The following CFAP95 variants were observed in gnomAD, a reference collection of about 807,000 sequenced individuals.
The protein encoded by CFAP95 is cilia and flagella associated protein 95, also known as cilia- and flagella-associated protein 95.
chr9:69,873,009 C>A, the CFAP95 span, among the ~76,000 whole-genome samples: 1 of 152,156 alleles, frequency 6.6e-6, no homozygotes, highest in Non-Finnish European at 1.5e-5. Context: ...AGACCCAGGG[C>A]TTAAATCTTG....
At chr9:69,831,608 T>C in the CFAP95 span, among the ~76,000 whole-genome samples, 2 of 152,082 alleles carry the variant, frequency 1.3e-5, no homozygotes, top group African/African-American at 2.4e-5. Context: ...CAATGTACTG[T>C]GATATGTGTT....
chr9:69,878,222 C>T, the CFAP95 span, among the ~76,000 whole-genome samples: 1 of 152,134 alleles, frequency 6.6e-6, no homozygotes, highest in Non-Finnish European at 1.5e-5. Flanking sequence ...TTTTTCTTTA[C>T]CTTCTAGTTG....
At chr9:69,852,466 T>C in the CFAP95 span, among the ~76,000 whole-genome samples, 2 of 152,146 alleles carry the variant, frequency 1.3e-5, no homozygotes, top group African/African-American at 4.8e-5. Flanking sequence ...GGAGGAGTTG[T>C]CTGGAGAGAG....
chr9:69,897,756 A>G, the CFAP95 span, among the ~76,000 whole-genome samples: 1 of 152,176 alleles, frequency 6.6e-6, no homozygotes, highest in Non-Finnish European at 1.5e-5. Flanking sequence ...TGGAGTGGAT[A>G]CCAGGAGACC....
At chr9:69,838,331 C>T in the CFAP95 span, among the ~76,000 whole-genome samples, 5 of 151,798 alleles carry the variant, frequency 3.3e-5, no homozygotes, top group Non-Finnish European at 7.4e-5. Context: ...GCAGTATGGC[C>T]ATTTTCACGA....
the CFAP95 span, among the ~76,000 whole-genome samples, chr9:69,862,784 A>G: frequency 6.6e-6 from 1 of 152,054 alleles, no homozygotes; most frequent in Non-Finnish European, 1.5e-5. Flanking sequence ...CATTTGACTG[A>G]CTCTCTTTCT....
chr9:69,886,969 T>G, the CFAP95 span: 1 of 1,204,592 alleles, frequency 8.3e-7, no homozygotes, highest in Non-Finnish European at 1.2e-6. Context: ...ATAGTCAAAC[T>G]TGGGAAGAAA....
the CFAP95 span, among the ~76,000 whole-genome samples, chr9:69,843,580 T>C: frequency 2.3e-5 from 1 of 43,372 alleles, no homozygotes; most frequent in Non-Finnish European, 4.0e-5. Flanking sequence ...CTTCTTCTTC[T>C]TCTTCTTCTT....
chr9:69,827,334 T>G, the CFAP95 span, among the ~76,000 whole-genome samples: 2 of 152,204 alleles, frequency 1.3e-5, no homozygotes, highest in South Asian at 4.1e-4. Flanking sequence ...ATTAGAAATA[T>G]GCACACAACT....
chr9:69,891,500 CTTT>C, the CFAP95 span, among the ~76,000 whole-genome samples: 1 of 146,112 alleles, frequency 6.8e-6, no homozygotes, highest in Non-Finnish European at 1.5e-5. Context: ...CTATATTCTT[CTTT>C]TTTTTTTTTT....
At chr9:69,852,888 T>C in the CFAP95 span, among the ~76,000 whole-genome samples, 1 of 152,174 alleles carries the variant, frequency 6.6e-6, no homozygotes, top group Non-Finnish European at 1.5e-5. Flanking sequence ...GCACACTCTC[T>C]CTCTTTGCCT....
At chr9:69,840,122 G>T in the CFAP95 span, among the ~76,000 whole-genome samples, 1 of 151,478 alleles carries the variant, frequency 6.6e-6, no homozygotes, top group Non-Finnish European at 1.5e-5. Flanking sequence ...GGGGACTGTA[G>T]TTGAAGAATT....
chr9:69,873,613 G>A, the CFAP95 span, among the ~76,000 whole-genome samples: 78 of 152,288 alleles, frequency 5.1e-4, 1 homozygote, highest in South Asian at 0.015. Context: ...ACTGCTGCCA[G>A]TGACAAGATT....
the CFAP95 span, among the ~76,000 whole-genome samples, chr9:69,893,595 C>T: frequency 2.0e-5 from 3 of 152,076 alleles, no homozygotes; most frequent in Non-Finnish European, 4.4e-5. Context: ...CTCCTCCTTT[C>T]CCTCCTCCTC....
the CFAP95 span, chr9:69,857,880 T>C: frequency 1.2e-6 from 2 of 1,607,656 alleles, no homozygotes; most frequent in Non-Finnish European, 1.7e-6. Context: ...CTCTAACAAG[T>C]TTTCTAAAAA....
chr9:69,827,876 G>A, the CFAP95 span, among the ~76,000 whole-genome samples: 1 of 152,148 alleles, frequency 6.6e-6, no homozygotes, highest in African/African-American at 2.4e-5. Context: ...GCGTGCAGCT[G>A]GCCCAGTGAT....
chr9:69,900,166 A>G, the CFAP95 span, among the ~76,000 whole-genome samples: 2 of 152,104 alleles, frequency 1.3e-5, no homozygotes, highest in Non-Finnish European at 2.9e-5. Flanking sequence ...ATACACCCAC[A>G]GCTGTGAGTC....
chr9:69,883,005 A>G, the CFAP95 span, among the ~76,000 whole-genome samples: 1 of 152,176 alleles, frequency 6.6e-6, no homozygotes, highest in Non-Finnish European at 1.5e-5. Flanking sequence ...ATATTTCAGA[A>G]TAGTTGAGTA....
the CFAP95 span, among the ~76,000 whole-genome samples, chr9:69,871,766 A>G: frequency 6.6e-6 from 1 of 152,162 alleles, no homozygotes; most frequent in Non-Finnish European, 1.5e-5. Flanking sequence ...CTGGAGCACA[A>G]GAGAGATTAC....
Sources: gnomAD v4.1 joint callset for allele counts (sites outside exome capture counted in the v4.1 genomes callset) on GRCh38, gnomAD v4.1.1 for gene constraint, MANE v1.5 for transcripts, NCBI Gene and HGNC (gene_info 2026-07-23, HGNC 2026-07-21) for gene names.